The following DIS3 variants were observed in gnomAD, a reference collection of about 807,000 sequenced individuals.
DIS3 encodes the protein DIS3 exosome endoribonuclease and 3'-5' exoribonuclease.
A neutral mutation model predicts 113.0 loss-of-function variants in DIS3; 103 were observed. That is an observed-to-expected ratio of 0.91 (90% CI 0.78 to 1.07). The LOEUF is 1.07. Among genes scored for constraint, DIS3 ranks in the 50% least tolerant of loss-of-function variants. The probability of loss-of-function intolerance (pLI) is 0.00; values close to 1 mark genes in which losing one functional copy is unlikely to be tolerated. For synonymous variants in DIS3, 402 were observed against 394.3 expected, an observed-to-expected ratio of 1.02 and a Z score of -0.23; for missense variants, 1,121 against 1,167.1, an observed-to-expected ratio of 0.96 and a Z score of 0.58.
At chr13:72,759,994 G>A (rs1021706847) in intron 20 of DIS3, 116 bp from the exon 21 acceptor site, 15 of 788,340 alleles carry the variant, frequency 1.9e-5, no homozygotes, top group Non-Finnish European at 2.9e-5. Flanking sequence ...GTGGTAGGGA[G>A]GGGAAAGGGG....
chr13:72,781,472 C>T, intron 1 of DIS3, 133 bp downstream of exon 1: 1 of 1,441,098 alleles, frequency 6.9e-7, no homozygotes, highest in South Asian at 1.4e-5. Flanking sequence ...CAGGAAGCTT[C>T]GGTCCCGAGG....
intron 1 of DIS3, 151 bp downstream of exon 1, chr13:72,781,454 C>A: frequency 2.0e-6 from 3 of 1,467,836 alleles, no homozygotes; most frequent in Non-Finnish European, 2.7e-6. Flanking sequence ...GAACCTCGGC[C>A]TGGGGAACAG....
chr13:72,761,906 T>A lies in DIS3; in HGVS notation c.2342+17A>T. The A allele has an allele frequency of 6.2e-7, 1 of 1,613,494 alleles. No individual in the cohort carries two copies. On this transcript the variant is annotated intron_variant, in intron 17 of 20. Coordinates refer to ENST00000377767, the MANE Select transcript of DIS3 (RefSeq NM_014953.5). ...TAACCATTTTCTATCTCCTTTAATT[T>A]CATAAGGAAAAAATACCTTCTAATG...
At chr13:72,761,228 T>C in intron 19 of DIS3, 135 bp downstream of exon 19, 1 of 1,143,850 alleles carries the variant, frequency 8.7e-7, no homozygotes. Context: ...ATGTAGATTT[T>C]CTGGCATGTA....
intron 7 of DIS3, 28 bp from the exon 8 acceptor site, chr13:72,773,849 A>G (rs372852726): frequency 3.2e-4 from 513 of 1,598,454 alleles, no homozygotes; most frequent in Admixed American, 4.7e-4. Flanking sequence ...TAAAGATTTT[A>G]CACAAAAAAA....
intron 14 of DIS3, 97 bp from the exon 15 acceptor site, chr13:72,766,155 A>ACTATTACACAC: frequency 3.1e-6 from 3 of 957,160 alleles, no homozygotes; most frequent in Non-Finnish European, 4.5e-6. Context: ...GACTACAGCA[A>ACTATTACACAC]GTGTGTAATA....
chr13:72,774,245 ATTCTCTC>A (rs2033955435), intron 6 of DIS3, among the ~76,000 whole-genome samples, 186 bp from the exon 7 acceptor site: 1 of 152,094 alleles, frequency 6.6e-6, no homozygotes, highest in Non-Finnish European at 1.5e-5. Context: ...AACCACAGAC[ATTCTCTC>A]TTGATAATAA....
Position 72,777,488 on chromosome 13 carries a change from C to A in DIS3, c.586G>T (p.Glu196Ter). The change falls in exon 4 of 21, where the codon GAA (glutamate) becomes TAA (stop). Residue 196 changes from glutamate to a stop codon, truncating the protein, a stop_gained. Coordinates refer to ENST00000377767, the MANE Select transcript of DIS3 (RefSeq NM_014953.5). LOFTEE classifies it high-confidence loss of function. Reference protein sequence around the residue: ...EEGIPAFTCEEYVKSLTANPE... With the variant: ...EEGIPAFTCE ...TTAGCAGTTAGGCTCTTTACATATT[C>A]TTCACCTGAAAAAATAAGTTTATGT... 1.2e-6 allele frequency: 2 copies of A among 1,613,820 alleles called. No individual in the cohort carries two copies. The highest frequency in any genetic ancestry group is 1.7e-6 in the Non-Finnish European group (2 of 1,179,828).
In DIS3 at chr13:72,755,781, T is replaced by C. The variant is rs1234200867; in HGVS notation, c.*4014A>G. On this transcript the variant is annotated 3_prime_UTR_variant, in exon 21 of 21. Transcript: ENST00000377767. ...TTCCAGTGATAACTGTTCTAGTTACTACTTTTAAGTATGTAAATACTAGAA... is the reference window on the plus strand; with the variant it reads ...TTCCAGTGATAACTGTTCTAGTTACCACTTTTAAGTATGTAAATACTAGAA... The C allele has an allele frequency of 5.0e-6, 2 of 397,996 alleles. No individual in the cohort carries two copies. The highest frequency in any genetic ancestry group is 8.8e-6 in the Non-Finnish European group (2 of 225,994). 24.7% of individuals were successfully genotyped at this position (397,996 alleles called of 1,614,324 possible).
In DIS3 at chr13:72,753,882, GATT is replaced by G. The variant is rs2033354713; in HGVS notation, c.*5910_*5912del. ...TAGATTAGAAATATAAAATAATTTT[GATT>G]ATTAGACAATAGTACTATTGAGAAA... On this transcript the variant is annotated 3_prime_UTR_variant, in exon 21 of 21. Transcript: ENST00000377767. 8 of 1,459,590 alleles carry G rather than the reference GATT, an allele frequency of 5.5e-6. No homozygotes were observed. Among genetic ancestry groups the G allele is most frequent in the Non-Finnish European group, 6.6e-6 (7 of 1,068,082 alleles). 90.4% of individuals were successfully genotyped at this position (1,459,590 alleles called of 1,614,324 possible).
chr13:72,770,343 A>T (rs1030763020), intron 13 of DIS3, among the ~76,000 whole-genome samples: 1 of 152,146 alleles, frequency 6.6e-6, no homozygotes, highest in Non-Finnish European at 1.5e-5. Context: ...GAGGGCACAG[A>T]CCTAGCCCTT....
chr13:72,777,534 T>C (rs2034045987), intron 3 of DIS3, 41 bp from the exon 4 acceptor site: 1 of 1,570,586 alleles, frequency 6.4e-7, no homozygotes, highest in Non-Finnish European at 8.7e-7. Flanking sequence ...AAGTGTTTTT[T>C]CCTTAGATAT....
At chr13:72,762,214 G>T in intron 16 of DIS3, 77 bp from the exon 17 acceptor site, 1 of 1,226,182 alleles carries the variant, frequency 8.2e-7, no homozygotes, top group Non-Finnish European at 1.1e-6. Context: ...AAATATAACT[G>T]ATCTGACTGA....
chr13:72,778,593 T>C (rs1442345216), intron 2 of DIS3, among the ~76,000 whole-genome samples: 1 of 152,182 alleles, frequency 6.6e-6, no homozygotes, highest in African/African-American at 2.4e-5. Flanking sequence ...AAGAAAATTA[T>C]GTTATTAAGG....
Position 72,781,678 on chromosome 13 carries a change from G to T in DIS3, c.155C>A (p.Pro52His), listed in dbSNP as rs1221057364. 1 of 1,552,294 alleles carries T rather than the reference G, an allele frequency of 6.4e-7. No homozygotes were observed. Among genetic ancestry groups the T allele is most frequent in the South Asian group, 1.2e-5 (1 of 84,542 alleles). ...AHEGPALEPQ[P>H]QDPASSVCPQ... Reference sequence around the variant, plus strand: ...GCAGACGCTGCTCGCCGGGTCCTGGGGCTGCGGCTCCAGGGCCGGCCCCTC... The same window carrying T: ...GCAGACGCTGCTCGCCGGGTCCTGGTGCTGCGGCTCCAGGGCCGGCCCCTC... Residue 52 changes from proline (P) to histidine (H), a missense_variant, in exon 1 of 21, where the codon CCC (proline) becomes CAC (histidine). Around this residue, in one of 3 missense-constraint regions of DIS3, gnomAD observed 254 missense variants for 232.2 expected, o/e 1.09. Transcript: ENST00000377767.
chr13:72,775,708 G>T (rs2033997638), intron 5 of DIS3, among the ~76,000 whole-genome samples: 1 of 151,766 alleles, frequency 6.6e-6, no homozygotes, highest in African/African-American at 2.4e-5. Context: ...AGTTTTTATA[G>T]GTTGGGTTGA....
At chr13:72,775,806 T>C (rs1312022368) in intron 5 of DIS3, 119 bp downstream of exon 5, 4 of 900,532 alleles carry the variant, frequency 4.4e-6, no homozygotes, top group Non-Finnish European at 4.7e-6. Flanking sequence ...AAAGTTACTA[T>C]TTGCTTTAAA....
At chr13:72,780,190 G>A (rs2034125867) in intron 2 of DIS3, among the ~76,000 whole-genome samples, 2 of 151,790 alleles carry the variant, frequency 1.3e-5, no homozygotes, top group Admixed American at 1.3e-4. Flanking sequence ...GCCTGGCATA[G>A]TGGTGCGTGA....
At chr13:72,774,814 G>A (rs1033040108) in intron 6 of DIS3, among the ~76,000 whole-genome samples, 12 of 152,068 alleles carry the variant, frequency 7.9e-5, no homozygotes, top group Non-Finnish European at 1.8e-4. Flanking sequence ...TAATGGCCCA[G>A]AATTACGTCT....
Sources: gnomAD v4.1 joint callset for allele counts (sites outside exome capture counted in the v4.1 genomes callset) on GRCh38, gnomAD v4.1.1 for gene constraint, gnomAD v4.1.1 regional missense constraint, MANE v1.5 for transcripts, NCBI Gene and HGNC (gene_info 2026-07-23, HGNC 2026-07-21) for gene names.